Variants in PLCXD3 observed in about 807,000 individuals in gnomAD.
PLCXD3 encodes phosphatidylinositol specific phospholipase C X domain containing 3.
PLCXD3 carries 19 observed loss-of-function variants against 25.5 expected under a neutral mutation model. That is an observed-to-expected ratio of 0.75 (90% CI 0.52 to 1.09). PLCXD3 has a LOEUF of 1.09. Ranked by LOEUF, PLCXD3 falls within the 50% of genes least tolerant of loss-of-function variation. The pLI is 0.00. For synonymous variants in PLCXD3, 174 were observed against 137.6 expected, an observed-to-expected ratio of 1.26 and a Z score of -1.85; for missense variants, 411 against 388.1, an observed-to-expected ratio of 1.06 and a Z score of -0.50.
At position 41,313,520 on chromosome 5, in the gene PLCXD3, G is replaced by A; in HGVS notation, c.*97C>T. 2 of 1,440,324 alleles carry A rather than the reference G, an allele frequency of 1.4e-6. No homozygotes were observed. Among genetic ancestry groups the A allele is most frequent in the Non-Finnish European group, 9.7e-7 (1 of 1,032,620 alleles). 89.2% of individuals were successfully genotyped at this position (1,440,324 alleles called of 1,614,324 possible). The stretch of plus-strand genomic sequence containing the variant: ...CACTACCAGCCCTATTCCCTTCAGA[G>A]ACTCAGTGGAATAGGAAGATCAGAG... On this transcript the variant is annotated 3_prime_UTR_variant, in exon 3 of 3. Coordinates refer to ENST00000377801, the MANE Select transcript of PLCXD3 (RefSeq NM_001005473.3).
rs1743175317 is a variant in PLCXD3, at chr5:41,312,829, T to A, written c.*788A>T. On this transcript the variant is annotated 3_prime_UTR_variant, in exon 3 of 3. Transcript: ENST00000377801. Reference sequence around the variant, plus strand: ...TTTTAACACACTTGTACCTTACCATTTACTGGGTACTTGCAGGGCAATATT... The same window carrying A: ...TTTTAACACACTTGTACCTTACCATATACTGGGTACTTGCAGGGCAATATT... 1 of 152,460 alleles carries A rather than the reference T, an allele frequency of 6.6e-6. No individual in the cohort carries two copies. Among genetic ancestry groups the A allele is most frequent in the South Asian group, 2.1e-4 (1 of 4,826 alleles). The allele number at this position is 152,460 out of a possible 1,614,324, so 9.4% of individuals were successfully genotyped here.
chr5:41,402,031 T>C (rs1318817673), intron 1 of PLCXD3, among the ~76,000 whole-genome samples: 1 of 151,994 alleles, frequency 6.6e-6, no homozygotes, highest in Non-Finnish European at 1.5e-5. Context: ...TTTATTGACA[T>C]TTCCTAAGAA....
intron 1 of PLCXD3, among the ~76,000 whole-genome samples, chr5:41,418,170 A>G (rs1696372596): frequency 2.0e-5 from 3 of 152,340 alleles, no homozygotes; most frequent in South Asian, 2.1e-4. Context: ...TGTGTGTGGC[A>G]TATATTTTTA....
intron 1 of PLCXD3, among the ~76,000 whole-genome samples, chr5:41,446,868 C>A (rs1233271073): frequency 6.6e-6 from 1 of 152,182 alleles, no homozygotes; most frequent in East Asian, 1.9e-4. Context: ...ACTGAACAAG[C>A]TTTTTAATTT....
intron 2 of PLCXD3, among the ~76,000 whole-genome samples, chr5:41,339,077 G>T (rs1382223405): frequency 6.6e-6 from 1 of 152,086 alleles, no homozygotes; most frequent in African/African-American, 2.4e-5. Context: ...CAGGTATTAG[G>T]CAGTATTAGA....
chr5:41,474,025 T>C (rs1038949857), intron 1 of PLCXD3, among the ~76,000 whole-genome samples: 6 of 152,196 alleles, frequency 3.9e-5, no homozygotes, highest in Admixed American at 6.5e-5. Context: ...AGACCATCAT[T>C]ACAACCGTTA....
chr5:41,410,775 C>T (rs1364212315), intron 1 of PLCXD3, among the ~76,000 whole-genome samples: 1 of 152,146 alleles, frequency 6.6e-6, no homozygotes, highest in East Asian at 1.9e-4. Context: ...ATAGAGGTAA[C>T]GTGCAGCATA....
intron 2 of PLCXD3, among the ~76,000 whole-genome samples, chr5:41,374,388 C>A (rs1745219763): frequency 6.6e-6 from 1 of 152,122 alleles, no homozygotes; most frequent in African/African-American, 2.4e-5. Context: ...AAGCCAGAAT[C>A]CCCTTTCTAG....
At chr5:41,459,461 C>A (rs1747826834) in intron 1 of PLCXD3, among the ~76,000 whole-genome samples, 1 of 151,822 alleles carries the variant, frequency 6.6e-6, no homozygotes, top group African/African-American at 2.4e-5. Context: ...ATAAATACTT[C>A]ATTATGGGTC....
At chr5:41,352,954 G>A (rs1383158340) in intron 2 of PLCXD3, among the ~76,000 whole-genome samples, 2 of 152,100 alleles carry the variant, frequency 1.3e-5, no homozygotes, top group Non-Finnish European at 2.9e-5. Context: ...AAAATATGAC[G>A]ACTTTCTCAT....
intron 2 of PLCXD3, among the ~76,000 whole-genome samples, chr5:41,374,453 TA>T (rs1745225375): frequency 6.6e-6 from 1 of 152,122 alleles, no homozygotes; most frequent in South Asian, 2.1e-4. Context: ...ATCATCCGAA[TA>T]AATTATTTAG....
chr5:41,393,510 CAAACA>C (rs1698470550), intron 1 of PLCXD3, among the ~76,000 whole-genome samples: 1 of 152,192 alleles, frequency 6.6e-6, no homozygotes, highest in Admixed American at 6.5e-5. Context: ...CTTTCCCAAA[CAAACA>C]AAAGGTGAAA....
At chr5:41,408,772 A>C (rs1746430348) in intron 1 of PLCXD3, among the ~76,000 whole-genome samples, 1 of 152,306 alleles carries the variant, frequency 6.6e-6, no homozygotes, top group East Asian at 1.9e-4. Flanking sequence ...CTTACCCTTG[A>C]GGCCACCAAG....
intron 1 of PLCXD3, among the ~76,000 whole-genome samples, chr5:41,403,280 CT>C (rs538471301): frequency 0.095 from 13,092 of 137,262 alleles, 637 homozygotes; most frequent in Non-Finnish European, 0.11. Flanking sequence ...AAGAGGAACT[CT>C]TTTTTTTTTT....
At chr5:41,398,972 C>A (rs1367048898) in intron 1 of PLCXD3, among the ~76,000 whole-genome samples, 1 of 152,062 alleles carries the variant, frequency 6.6e-6, no homozygotes, top group East Asian at 1.9e-4. Context: ...CAGAGAACAA[C>A]TATTAGAACT....
intron 1 of PLCXD3, among the ~76,000 whole-genome samples, chr5:41,461,040 G>A (rs1456229153): frequency 1.3e-5 from 2 of 151,716 alleles, no homozygotes; most frequent in Non-Finnish European, 2.9e-5. Context: ...TTTTCTGATA[G>A]GACCCAAAAG....
chr5:41,454,837 C>T (rs1051469980), intron 1 of PLCXD3, among the ~76,000 whole-genome samples: 3 of 151,840 alleles, frequency 2.0e-5, no homozygotes, highest in Non-Finnish European at 4.4e-5. Context: ...TGAAGACCTG[C>T]CTTCATAGAC....
At chr5:41,399,141 A>C (rs1746101816) in intron 1 of PLCXD3, among the ~76,000 whole-genome samples, 1 of 152,166 alleles carries the variant, frequency 6.6e-6, no homozygotes, top group Admixed American at 6.5e-5. Flanking sequence ...GCTTAACCAA[A>C]GAAGTGAAAG....
chr5:41,308,805 C>T lies in PLCXD3; in HGVS notation c.*4812G>A, dbSNP rs1166640335. The T allele has an allele frequency of 6.6e-6, 1 of 152,098 alleles. No homozygotes were observed. The highest frequency in any genetic ancestry group is 6.6e-5 in the Admixed American group (1 of 15,238). 9.4% of individuals were successfully genotyped at this position (152,098 alleles called of 1,614,324 possible). A position where few individuals can be genotyped will look rare whatever the true frequency, so the allele number is the denominator to read the frequency against. Reference sequence around the variant, plus strand: ...TGGGAAGGTCAACTTTAAAGGTGTACTGGTTCTATTGTTGATGAAAACAAA... The same window carrying T: ...TGGGAAGGTCAACTTTAAAGGTGTATTGGTTCTATTGTTGATGAAAACAAA... On this transcript the variant is annotated 3_prime_UTR_variant, in exon 3 of 3. Coordinates refer to ENST00000377801, the MANE Select transcript of PLCXD3 (RefSeq NM_001005473.3).
Sources: allele counts gnomAD v4.1 joint callset (sites outside exome capture counted in the v4.1 genomes callset), GRCh38; gene constraint gnomAD v4.1.1; transcripts MANE v1.5; gene names NCBI Gene and HGNC (gene_info 2026-07-23, HGNC 2026-07-21).